Variants in LAMB3 observed in about 807,000 individuals in gnomAD.
LAMB3 encodes laminin subunit beta 3.
A neutral mutation model predicts 140.3 loss-of-function variants in LAMB3; 104 were observed. The observed-to-expected ratio is 0.74, with a 90% CI of 0.63 to 0.87. LAMB3 has a LOEUF of 0.87. LAMB3 is among the 40% of genes least tolerant of loss of function. The probability of loss-of-function intolerance (pLI) is 0.00; values close to 1 mark genes in which losing one functional copy is unlikely to be tolerated. For missense variants in LAMB3, 1,531 were observed against 1,575.2 expected, an observed-to-expected ratio of 0.97 and a Z score of 0.47; for synonymous variants, 592 against 602.9, an observed-to-expected ratio of 0.98 and a Z score of 0.26.
At chr1:209,639,426 C>T (rs191224025) in intron 3 of LAMB3, among the ~76,000 whole-genome samples, 8 of 152,156 alleles carry the variant, frequency 5.3e-5, no homozygotes, top group Admixed American at 3.9e-4. Flanking sequence ...TATTCCCTAC[C>T]TACAGGAGAG....
intron 11 of LAMB3, 105 bp from the exon 12 acceptor site, chr1:209,627,684 G>T: frequency 9.2e-7 from 1 of 1,083,294 alleles, no homozygotes; most frequent in African/African-American, 1.6e-5. Flanking sequence ...GAACTGGGCA[G>T]GGCCCTTCCC....
intron 19 of LAMB3, 36 bp downstream of exon 19, chr1:209,618,416 C>T (rs1239869385): frequency 6.2e-7 from 1 of 1,605,158 alleles, no homozygotes; most frequent in African/African-American, 1.3e-5. Flanking sequence ...CCAGCTTAAT[C>T]CTGGGCAGAG....
chr1:209,623,873 G>A lies in LAMB3; in HGVS notation c.2104C>T (p.Gln702Ter). 1 of 1,614,156 alleles carries A rather than the reference G, an allele frequency of 6.2e-7. No individual in the cohort carries two copies. Among genetic ancestry groups the A allele is most frequent in the Non-Finnish European group, 8.5e-7 (1 of 1,180,032 alleles). The change falls in exon 15 of 23, where the codon CAG (glutamine) becomes TAG (stop). Residue 702 changes from glutamine (Q) to a stop codon, truncating the protein, a stop_gained. Coordinates refer to ENST00000356082, the MANE Select transcript of LAMB3 (RefSeq NM_000228.3). LOFTEE classifies it high-confidence loss of function. This position sits in a 1 kb window ranked among gnomAD's most constrained non-coding sequence, Gnocchi z 4.2. ...TCAGCACTGCTTATTTTTTCAAACTGCTCCCTCTTCCTCTGATACATAGTA... is the reference window on the plus strand; with the variant it reads ...TCAGCACTGCTTATTTTTTCAAACTACTCCCTCTTCCTCTGATACATAGTA... ...LLTMYQRKRE[Q>*]FEKISSADPS... is the part of the protein sequence containing the mutation.
rs946178115 is a variant in LAMB3, at chr1:209,633,003, C to T, written c.628+67G>A. The T allele has an allele frequency of 8.7e-6, 11 of 1,268,660 alleles. No homozygotes were observed. The Admixed American group carries it at 1.0e-4, about 12-fold the overall frequency. The allele number at this position is 1,268,660 out of a possible 1,614,324, so 78.6% of individuals were successfully genotyped here. ...ATGAAAGACCAGGAAATTTCCATGA[C>T]CTGGGCTCCAACTCTGTTTCCTTTC... On this transcript the variant is annotated intron_variant, in intron 7 of 22. Coordinates refer to ENST00000356082, the MANE Select transcript of LAMB3 (RefSeq NM_000228.3).
chr1:209,627,461 G>C lies in LAMB3; in HGVS notation c.1407C>G (p.His469Gln). The change falls in exon 12 of 23, where the codon CAC becomes CAG. Residue 469 changes from histidine (H) to glutamine (Q), a missense_variant. Coordinates refer to ENST00000356082, the MANE Select transcript of LAMB3 (RefSeq NM_000228.3). ...GPKCDQCAPY[H>Q]WKLASGQGCE... ...AGCCCTGGCCACTGGCCAGCTTCCA[G>C]TGGTAGGGAGCACACTGGTCACATT... is the stretch of plus-strand genomic sequence containing the variant. The C allele has an allele frequency of 6.2e-7, 1 of 1,614,058 alleles. No homozygotes were observed. Among genetic ancestry groups the C allele is most frequent in the Non-Finnish European group, 8.5e-7 (1 of 1,180,032 alleles).
chr1:209,648,275 C>T (rs1313283445), intron 3 of LAMB3, among the ~76,000 whole-genome samples: 1 of 152,184 alleles, frequency 6.6e-6, no homozygotes, highest in Non-Finnish European at 1.5e-5. Context: ...CTAATACTCA[C>T]TTACAGAAAA....
intron 3 of LAMB3, among the ~76,000 whole-genome samples, chr1:209,639,593 T>C (rs911162106): frequency 4.6e-5 from 7 of 151,012 alleles, no homozygotes; most frequent in African/African-American, 1.7e-4. Context: ...CTTGTTCTTT[T>C]AGCTTGTGCC....
rs752234655 is a variant in LAMB3, at chr1:209,627,338, C to A, written c.1485+45G>T. On this transcript the variant is annotated intron_variant, in intron 12 of 22. Coordinates refer to ENST00000356082, the MANE Select transcript of LAMB3 (RefSeq NM_000228.3). ...GCAGCAGAGAGGCTGGTGCTCAGGA[C>A]CCCCCTCCCACTGAGGGGGCCCCCG... The A allele has an allele frequency of 4.2e-5, 63 of 1,502,598 alleles. No homozygotes were observed. In the Admixed American group the frequency reaches 7.7e-4, roughly 18 times the overall value. 93.1% of individuals were successfully genotyped at this position (1,502,598 alleles called of 1,614,324 possible). A position where few individuals can be genotyped will look rare whatever the true frequency, so the allele number is the denominator to read the frequency against.
chr1:209,650,411 G>A (rs1191531347), intron 2 of LAMB3, among the ~76,000 whole-genome samples: 3 of 152,106 alleles, frequency 2.0e-5, no homozygotes, highest in African/African-American at 4.8e-5. Flanking sequence ...ACATAGACTC[G>A]GCCATCATGA....
intron 18 of LAMB3, among the ~76,000 whole-genome samples, chr1:209,621,684 G>A (rs12565132): frequency 0.33 from 50,607 of 152,066 alleles, 8,514 homozygotes; most frequent in African/African-American, 0.36. Context: ...AGCAAAAGAT[G>A]AGGCAAAGAG....
At chr1:209,641,309 A>G (rs532148215) in intron 3 of LAMB3, among the ~76,000 whole-genome samples, 1 of 152,156 alleles carries the variant, frequency 6.6e-6, no homozygotes, top group African/African-American at 2.4e-5. Context: ...GGTGGAGTAC[A>G]ACCATGTGCA....
intron 3 of LAMB3, among the ~76,000 whole-genome samples, chr1:209,645,446 G>T (rs1461403130): frequency 6.6e-6 from 1 of 152,176 alleles, no homozygotes; most frequent in Non-Finnish European, 1.5e-5. Context: ...GCCGGGGGGA[G>T]TGGCTCACAC....
At position 209,623,289 on chromosome 1, in the gene LAMB3, A is replaced by G. The variant is rs1226871754; in HGVS notation, c.2359-110T>C. Reference sequence around the variant, plus strand: ...GACATCTCCATGACAACCAAGCACCAGAAACAGCCAGACATCTCCATGAGA... The same window carrying G: ...GACATCTCCATGACAACCAAGCACCGGAAACAGCCAGACATCTCCATGAGA... On this transcript the variant is annotated intron_variant, in intron 16 of 22. Coordinates refer to ENST00000356082, the MANE Select transcript of LAMB3 (RefSeq NM_000228.3). This position sits in a 1 kb window ranked among gnomAD's most constrained non-coding sequence, Gnocchi z 4.2. 3 of 1,156,830 alleles carry G rather than the reference A, an allele frequency of 2.6e-6. No homozygotes were observed. The highest frequency in any genetic ancestry group is 3.8e-6 in the Non-Finnish European group (3 of 783,290). 71.7% of individuals were successfully genotyped at this position (1,156,830 alleles called of 1,614,324 possible). A position where few individuals can be genotyped will look rare whatever the true frequency, so the allele number is the denominator to read the frequency against.
At chr1:209,635,498 G>A (rs892463833) in intron 5 of LAMB3, among the ~76,000 whole-genome samples, 5 of 152,170 alleles carry the variant, frequency 3.3e-5, no homozygotes, top group Non-Finnish European at 7.3e-5. Flanking sequence ...CGCCTCCTAG[G>A]TTCCAGCGAT....
intron 22 of LAMB3, among the ~76,000 whole-genome samples, chr1:209,616,130 C>T (rs926347598): frequency 1.3e-5 from 2 of 152,086 alleles, no homozygotes; most frequent in Non-Finnish European, 1.5e-5. Context: ...AACCCCAGAA[C>T]TCTTATTATT....
At chr1:209,644,184 A>T (rs1434019143) in intron 3 of LAMB3, among the ~76,000 whole-genome samples, 2 of 152,222 alleles carry the variant, frequency 1.3e-5, no homozygotes, top group African/African-American at 4.8e-5. Flanking sequence ...AAAAGGCAGC[A>T]CCTAGTGCAG....
intron 6 of LAMB3, 142 bp from the exon 7 acceptor site, chr1:209,633,275 C>CTTGTCATCTGCTGTGGGG: frequency 1.4e-6 from 1 of 721,988 alleles, no homozygotes; most frequent in African/African-American, 1.7e-5. Context: ...GGCTATGAGG[C>CTTGTCATCTGCTGTGGGG]TTGTCATCTG....
At chr1:209,635,720 A>T in intron 5 of LAMB3, among the ~76,000 whole-genome samples, 1 of 152,228 alleles carries the variant, frequency 6.6e-6, no homozygotes, top group East Asian at 1.9e-4. Flanking sequence ...TTTTTAGTAG[A>T]GACAGGGTTT....
At position 209,617,585 on chromosome 1, in the gene LAMB3, A is replaced by G. The variant is rs1666017978; in HGVS notation, c.3053T>C (p.Val1018Ala). 1.9e-6 allele frequency: 3 copies of G among 1,613,468 alleles called. No homozygotes were observed. Among genetic ancestry groups the G allele is most frequent in the Admixed American group, 1.7e-5 (1 of 59,980 alleles). ...LRLIQDRVAE[V>A]QQVLRPAEKL... ...TTCTGCTGGCCGCAGTACCTGCTGA[A>G]CCTTTGTGGAAAGAGGGAGATCTGG... is the stretch of plus-strand genomic sequence containing the variant. Residue 1018 changes from valine (V) to alanine (A), a missense_variant and splice_region_variant, in exon 21 of 23, where the codon GTT (valine) becomes GCT (alanine). Physicochemically the swap from Val to Ala is moderately conservative, Grantham distance 64. Coordinates refer to ENST00000356082, the MANE Select transcript of LAMB3 (RefSeq NM_000228.3).
Sources: allele counts gnomAD v4.1 joint callset (sites outside exome capture counted in the v4.1 genomes callset), GRCh38; gene constraint gnomAD v4.1.1; non-coding constraint Gnocchi (gnomAD v3.1); transcripts MANE v1.5; gene names NCBI Gene and HGNC (gene_info 2026-07-23, HGNC 2026-07-21).